Variants in TENM2 observed in about 807,000 individuals in gnomAD.
The protein encoded by TENM2 is teneurin transmembrane protein 2.
A neutral mutation model predicts 245.2 loss-of-function variants in TENM2; 52 were observed. That is an observed-to-expected ratio of 0.21 (90% CI 0.17 to 0.27). The LOEUF (loss-of-function observed/expected upper bound fraction) is 0.27. TENM2 is among the 10% of genes least tolerant of loss of function. The pLI is 1.00. For missense variants in TENM2, 3,046 were observed against 3,666.8 expected (o/e 0.83, Z 4.37); for synonymous variants, 1,363 against 1,438.9 (o/e 0.95, Z 1.19).
At chr5:167,992,980 C>G (rs770856766) in exon 5 of TENM2, 1 of 1,613,984 alleles carries the variant, frequency 6.2e-7, no homozygotes, top group Non-Finnish European at 8.5e-7. Flanking sequence ...GGAGCACACC[C>G]TTGTTCAGCA....
At chr5:168,163,033 G>A (rs1231223953) in intron 13 of TENM2, among the ~76,000 whole-genome samples, 1 of 152,132 alleles carries the variant, frequency 6.6e-6, no homozygotes. Flanking sequence ...CTGCCTTCAG[G>A]GTCACCAGTC....
chr5:167,048,672 C>T, the TENM2 span, among the ~76,000 whole-genome samples: 1 of 152,152 alleles, frequency 6.6e-6, no homozygotes, highest in South Asian at 2.1e-4. Context: ...TGCCACATCT[C>T]ATTACTCTAC....
intron 2 of TENM2, among the ~76,000 whole-genome samples, chr5:167,494,306 T>TA (rs906856136): frequency 1.3e-4 from 19 of 151,308 alleles, no homozygotes; most frequent in South Asian, 4.2e-4. Context: ...AGAAAAGGTG[T>TA]AAAAAAAAAC....
intron 6 of TENM2, among the ~76,000 whole-genome samples, chr5:168,054,771 T>C (rs1224578932): frequency 6.6e-6 from 1 of 152,218 alleles, no homozygotes; most frequent in African/African-American, 2.4e-5. Context: ...CAGAAATAGG[T>C]AATAGTTTCA....
chr5:167,307,749 T>A (rs1755762479), intron 1 of TENM2, among the ~76,000 whole-genome samples: 1 of 152,210 alleles, frequency 6.6e-6, no homozygotes, highest in Admixed American at 6.5e-5. Context: ...AAGAAAAATC[T>A]GTTTTTATTT....
At chr5:167,416,017 A>G (rs1312285732) in intron 2 of TENM2, among the ~76,000 whole-genome samples, 5 of 152,170 alleles carry the variant, frequency 3.3e-5, no homozygotes, top group Non-Finnish European at 7.4e-5. Context: ...TAGCCATGCA[A>G]TTTATAGTCA....
intron 2 of TENM2, among the ~76,000 whole-genome samples, chr5:167,745,610 A>G (rs564679953): frequency 6.6e-6 from 1 of 152,328 alleles, no homozygotes; most frequent in South Asian, 2.1e-4. Context: ...ACAACCAACA[A>G]CATCCTCCAC....
chr5:167,166,790 A>G, the TENM2 span, among the ~76,000 whole-genome samples: 2 of 152,138 alleles, frequency 1.3e-5, no homozygotes, highest in African/African-American at 2.4e-5. Flanking sequence ...CAATAATATT[A>G]TAATGTTCCA....
At chr5:167,379,476 T>C (rs1760963096) in intron 2 of TENM2, among the ~76,000 whole-genome samples, 1 of 152,180 alleles carries the variant, frequency 6.6e-6, no homozygotes, top group African/African-American at 2.4e-5. Context: ...TAAATTTTTC[T>C]CCTTTCTCTC....
intron 13 of TENM2, among the ~76,000 whole-genome samples, chr5:168,167,188 C>T (rs1758375959): frequency 2.0e-5 from 3 of 152,180 alleles, no homozygotes; most frequent in Non-Finnish European, 4.4e-5. Flanking sequence ...ATACACACAA[C>T]ATGTGCACCA....
intron 2 of TENM2, chr5:167,755,193 G>T: frequency 6.3e-7 from 1 of 1,597,972 alleles, no homozygotes; most frequent in Non-Finnish European, 8.5e-7. Flanking sequence ...GAGTCTCTGG[G>T]TAAGGATGAT....
intron 7 of TENM2, among the ~76,000 whole-genome samples, chr5:168,068,681 G>A (rs1790715946): frequency 2.0e-5 from 3 of 151,866 alleles, no homozygotes; most frequent in East Asian, 3.9e-4. Flanking sequence ...TACTTTTATC[G>A]AAAAAAACAT....
At chr5:167,825,311 G>T (rs1049064832) in intron 2 of TENM2, among the ~76,000 whole-genome samples, 12 of 151,966 alleles carry the variant, frequency 7.9e-5, no homozygotes, top group African/African-American at 2.9e-4. Flanking sequence ...TGGGGTTCTT[G>T]GTGGGGTTTT....
chr5:167,538,316 A>G (rs1771981499), intron 2 of TENM2, among the ~76,000 whole-genome samples: 1 of 152,220 alleles, frequency 6.6e-6, no homozygotes, highest in African/African-American at 2.4e-5. Flanking sequence ...CTGGAATTAC[A>G]AGGCTCATCA....
intron 2 of TENM2, among the ~76,000 whole-genome samples, chr5:167,484,705 AGATT>A (rs1288747348): frequency 1.3e-5 from 2 of 152,224 alleles, no homozygotes; most frequent in East Asian, 1.9e-4. Flanking sequence ...ACACAAAGGG[AGATT>A]GATTGTTCCC....
the TENM2 span, among the ~76,000 whole-genome samples, chr5:167,114,493 A>G: frequency 6.6e-6 from 1 of 152,256 alleles, no homozygotes; most frequent in East Asian, 1.9e-4. Context: ...TAGAAGAGAT[A>G]TCAGTTAAAA....
chr5:167,983,902 G>C (rs772013449), intron 4 of TENM2, among the ~76,000 whole-genome samples: 9 of 152,056 alleles, frequency 5.9e-5, no homozygotes, highest in Admixed American at 3.9e-4. Flanking sequence ...AAATCAGCTG[G>C]GCACTATGCT....
intron 2 of TENM2, among the ~76,000 whole-genome samples, chr5:167,481,346 G>C (rs1234957446): frequency 6.6e-6 from 1 of 152,120 alleles, no homozygotes; most frequent in Non-Finnish European, 1.5e-5. Context: ...GAAAAATGTT[G>C]TTTTTATATT....
At chr5:168,023,529 C>T (rs1258358920) in intron 5 of TENM2, among the ~76,000 whole-genome samples, 1 of 152,156 alleles carries the variant, frequency 6.6e-6, no homozygotes, top group Non-Finnish European at 1.5e-5. Flanking sequence ...CGGGGCCTGC[C>T]TCAGTCATGG....
Sources: allele counts gnomAD v4.1 joint callset (sites outside exome capture counted in the v4.1 genomes callset), GRCh38; gene constraint gnomAD v4.1.1; transcripts MANE v1.5; gene names NCBI Gene and HGNC (gene_info 2026-07-23, HGNC 2026-07-21).